The following TMC2 variants were observed in gnomAD, a reference collection of about 807,000 sequenced individuals.
TMC2 encodes transmembrane channel-like protein 2.
TMC2 carries 102 observed loss-of-function variants against 105.9 expected under a neutral mutation model. The observed-to-expected ratio is 0.96, with a 90% CI of 0.82 to 1.14. The LOEUF is 1.14. Ranked by LOEUF, TMC2 falls within the 50% of genes most tolerant of loss-of-function variation. The pLI, the probability that TMC2 is intolerant of heterozygous loss-of-function variation, is 0.00. For synonymous variants in TMC2, 402 were observed against 422.8 expected, an observed-to-expected ratio of 0.95 and a Z score of 0.60; for missense variants, 1,093 against 1,134.3, an observed-to-expected ratio of 0.96 and a Z score of 0.52.
intron 3 of TMC2, among the ~76,000 whole-genome samples, chr20:2,561,291 T>A (rs528229668): frequency 6.6e-6 from 1 of 152,220 alleles, no homozygotes; most frequent in East Asian, 1.9e-4. Flanking sequence ...TCTAAAACAA[T>A]TTGGGCAAAT....
intron 16 of TMC2, among the ~76,000 whole-genome samples, chr20:2,618,831 C>T (rs999853578): frequency 3.9e-5 from 6 of 152,188 alleles, no homozygotes; most frequent in Non-Finnish European, 8.8e-5. Context: ...AATGCACACT[C>T]CTTTGTTAAA....
chr20:2,551,645 T>G (rs2085957476), intron 2 of TMC2, among the ~76,000 whole-genome samples: 1 of 152,204 alleles, frequency 6.6e-6, no homozygotes, highest in South Asian at 2.1e-4. Flanking sequence ...TACATTTAGG[T>G]TTATGATCCA....
intron 5 of TMC2, among the ~76,000 whole-genome samples, chr20:2,578,848 C>T (rs1411768950): frequency 2.6e-5 from 4 of 152,222 alleles, no homozygotes; most frequent in Non-Finnish European, 5.9e-5. Context: ...AATCAGAAAT[C>T]GTACAGAGAA....
intron 2 of TMC2, among the ~76,000 whole-genome samples, chr20:2,546,542 G>A (rs6036901): frequency 0.069 from 6,723 of 97,662 alleles, 483 homozygotes; most frequent in African/African-American, 0.22. Context: ...TGTCTGCTTT[G>A]GGAGGTCTCC....
chr20:2,623,066 T>A (rs540248353), intron 16 of TMC2, among the ~76,000 whole-genome samples: 1 of 152,284 alleles, frequency 6.6e-6, no homozygotes, highest in East Asian at 1.9e-4. Context: ...AAACATTCCA[T>A]ATCTGCATTT....
At position 2,558,318 on chromosome 20, in the gene TMC2, T is replaced by G; in HGVS notation, c.83-138T>G. The G allele has an allele frequency of 6.9e-7, 1 of 1,457,008 alleles. No homozygotes were observed. The highest frequency in any genetic ancestry group is 2.7e-5 in the Admixed American group (1 of 36,468). The allele number at this position is 1,457,008 out of a possible 1,614,324, so 90.3% of individuals were successfully genotyped here. ...CTCAACATGCCAAGGTGCCATACTT[T>G]GGGGTGTCCTGTTCTGAGCCCCGCA... On this transcript the variant is annotated intron_variant, in intron 2 of 19. Coordinates refer to ENST00000358864, the MANE Select transcript of TMC2 (RefSeq NM_080751.3). The surrounding 1 kb of genome is among the most constrained non-coding windows in gnomAD (Gnocchi z 4.6).
intron 4 of TMC2, among the ~76,000 whole-genome samples, chr20:2,564,394 C>T (rs1329365122): frequency 6.6e-6 from 1 of 152,088 alleles, no homozygotes; most frequent in Non-Finnish European, 1.5e-5. Context: ...TCATGATCCG[C>T]CCGCCTCGGC....
chr20:2,610,357 A>C, intron 11 of TMC2, 62 bp from the exon 12 acceptor site: 1 of 1,476,538 alleles, frequency 6.8e-7, no homozygotes, highest in South Asian at 1.3e-5. Flanking sequence ...ATGGGAGTGC[A>C]GAGATGGCAG....
At chr20:2,599,124 T>G (rs2146218366) in intron 10 of TMC2, among the ~76,000 whole-genome samples, 1 of 152,218 alleles carries the variant, frequency 6.6e-6, no homozygotes, top group Non-Finnish European at 1.5e-5. Flanking sequence ...CTTGAACTCC[T>G]GACCTCAAAT....
At chr20:2,574,090 AT>A (rs1436134255) in intron 5 of TMC2, among the ~76,000 whole-genome samples, 1 of 152,004 alleles carries the variant, frequency 6.6e-6, no homozygotes, top group Non-Finnish European at 1.5e-5. Flanking sequence ...CTTGAAATAG[AT>A]TTTCTTTGTC....
At chr20:2,584,775 T>G (rs1294355133) in intron 7 of TMC2, among the ~76,000 whole-genome samples, 1 of 151,616 alleles carries the variant, frequency 6.6e-6, no homozygotes, top group Admixed American at 6.6e-5. Flanking sequence ...GCTTTGCTGA[T>G]TCTCTCTGAA....
At chr20:2,575,214 T>C (rs1349632507) in intron 5 of TMC2, among the ~76,000 whole-genome samples, 2 of 152,232 alleles carry the variant, frequency 1.3e-5, no homozygotes, top group Non-Finnish European at 2.9e-5. Flanking sequence ...ATTTTTACTG[T>C]GACAAACAAT....
chr20:2,567,482 G>A (rs2086072415), intron 4 of TMC2, among the ~76,000 whole-genome samples: 3 of 152,186 alleles, frequency 2.0e-5, no homozygotes, highest in Admixed American at 1.3e-4. Context: ...CAAACTAAAT[G>A]ACAAAAGATG....
chr20:2,606,515 C>T (rs1256342705), intron 11 of TMC2, among the ~76,000 whole-genome samples: 2 of 152,214 alleles, frequency 1.3e-5, no homozygotes, highest in Non-Finnish European at 2.9e-5. Flanking sequence ...CTGCCTCAGC[C>T]TCCCAAAGTG....
intron 7 of TMC2, among the ~76,000 whole-genome samples, chr20:2,586,139 C>T (rs765941902): frequency 6.6e-6 from 1 of 152,190 alleles, no homozygotes; most frequent in Non-Finnish European, 1.5e-5. Context: ...AGCATCAGCT[C>T]AGATTCCAAA....
intron 2 of TMC2, among the ~76,000 whole-genome samples, chr20:2,537,559 C>T (rs1258066361): frequency 6.6e-6 from 1 of 152,162 alleles, no homozygotes; most frequent in Non-Finnish European, 1.5e-5. Context: ...ACACTCTGAG[C>T]TGAGCCTTGG....
At chr20:2,542,511 G>A (rs900222313) in intron 2 of TMC2, among the ~76,000 whole-genome samples, 1 of 152,156 alleles carries the variant, frequency 6.6e-6, no homozygotes, top group African/African-American at 2.4e-5. Context: ...GGGCAGAGGA[G>A]CGACATATAT....
At chr20:2,567,153 G>A (rs971511785) in intron 4 of TMC2, among the ~76,000 whole-genome samples, 5 of 152,162 alleles carry the variant, frequency 3.3e-5, no homozygotes, top group African/African-American at 1.2e-4. Context: ...CCATGGTTTC[G>A]GTGAGGACCA....
intron 2 of TMC2, among the ~76,000 whole-genome samples, chr20:2,540,619 C>T (rs1229525902): frequency 1.4e-5 from 2 of 144,180 alleles, no homozygotes; most frequent in African/African-American, 5.2e-5. Context: ...CTAGATGGTG[C>T]CATTGCACTC....
Sources: allele counts gnomAD v4.1 joint callset (sites outside exome capture counted in the v4.1 genomes callset), GRCh38; gene constraint gnomAD v4.1.1; non-coding constraint Gnocchi (gnomAD v3.1); transcripts MANE v1.5; gene names NCBI Gene and HGNC (gene_info 2026-07-23, HGNC 2026-07-21).